Variants in LDLRAD4 observed in about 807,000 individuals in gnomAD.
LDLRAD4 encodes low-density lipoprotein receptor class A domain-containing protein 4.
Under a neutral mutation model 17.0 loss-of-function variants are expected in LDLRAD4, and 5 were observed. The observed-to-expected ratio is 0.29, with a 90% CI of 0.15 to 0.62. The LOEUF is 0.62. LDLRAD4 is among the 20% of genes least tolerant of loss of function. LDLRAD4 has a pLI of 0.84. For synonymous variants in LDLRAD4, 168 were observed against 171.8 expected (o/e 0.98, Z 0.17); for missense variants, 340 against 424.7 (o/e 0.80, Z 1.75).
At chr18:13,315,783 T>TTA (rs1385665652) in intron 1 of LDLRAD4, among the ~76,000 whole-genome samples, 20 of 85,910 alleles carry the variant, frequency 2.3e-4, no homozygotes, top group African/African-American at 8.0e-4. Context: ...AAACTCCGTC[T>TTA]AAAAAAAAAA....
chr18:13,409,112 T>G (rs2088077269), intron 2 of LDLRAD4, among the ~76,000 whole-genome samples: 1 of 152,204 alleles, frequency 6.6e-6, no homozygotes, highest in Non-Finnish European at 1.5e-5. Flanking sequence ...GGGTTCTGCC[T>G]GTTTTCCACA....
chr18:13,301,270 A>G (rs912383470), intron 1 of LDLRAD4, among the ~76,000 whole-genome samples: 1 of 150,678 alleles, frequency 6.6e-6, no homozygotes, highest in African/African-American at 2.4e-5. Flanking sequence ...GCGAACCCAG[A>G]ACACTCTTTC....
intron 2 of LDLRAD4, among the ~76,000 whole-genome samples, chr18:13,434,695 T>C (rs2090546358): frequency 6.6e-6 from 1 of 152,244 alleles, no homozygotes; most frequent in Non-Finnish European, 1.5e-5. Flanking sequence ...AAATAGCCCA[T>C]TGACAGAACA....
intron 1 of LDLRAD4, among the ~76,000 whole-genome samples, chr18:13,283,223 C>T (rs1230207289): frequency 2.0e-5 from 3 of 152,216 alleles, no homozygotes; most frequent in African/African-American, 7.2e-5. Context: ...TAACATTAGG[C>T]TTCTTGCTAT....
At chr18:13,626,745 C>T (rs1450858562) in intron 4 of LDLRAD4, among the ~76,000 whole-genome samples, 1 of 152,256 alleles carries the variant, frequency 6.6e-6, no homozygotes, top group Non-Finnish European at 1.5e-5. Flanking sequence ...GCTCCTCCAG[C>T]TCCCTGGGGT....
chr18:13,529,744 T>A (rs909759616), intron 3 of LDLRAD4, among the ~76,000 whole-genome samples: 7 of 152,348 alleles, frequency 4.6e-5, no homozygotes, highest in Admixed American at 2.0e-4. Flanking sequence ...GACATTTAAA[T>A]AATGTGTGCA....
At chr18:13,446,798 T>C (rs1394495437) in intron 3 of LDLRAD4, among the ~76,000 whole-genome samples, 5 of 152,262 alleles carry the variant, frequency 3.3e-5, no homozygotes, top group Non-Finnish European at 5.9e-5. Flanking sequence ...CAGCCACATG[T>C]GGGCTTTTAG....
chr18:13,241,906 T>G (rs1037298452), intron 1 of LDLRAD4: 2 of 152,242 alleles, frequency 1.3e-5, no homozygotes, highest in African/African-American at 4.8e-5. Flanking sequence ...ATAAATGTCG[T>G]GGGGTTCACG....
In LDLRAD4 at chr18:13,473,676, T is replaced by TAA. The variant is rs151225065; in HGVS notation, c.181+35293_181+35294insAA. The stretch of plus-strand genomic sequence containing the variant: ...ATATATATATATATATATATATATA[T>TAA]ATAACGTTTACATTTTATATATATT... On this transcript the variant is annotated intron_variant, in intron 3 of 5. Transcript: ENST00000359446. Among the ~76,000 whole-genome samples the TAA allele has an allele frequency of 3.0e-4, 32 of 106,478 alleles. 2 individuals are homozygous for TAA. Among genetic ancestry groups the TAA allele is most frequent in the South Asian group, 1.5e-3 (5 of 3,308 alleles). The allele number at this position is 106,478 out of a possible 152,430, so 69.9% of individuals were successfully genotyped here.
At chr18:13,510,218 G>A (rs1013957824) in intron 3 of LDLRAD4, among the ~76,000 whole-genome samples, 8 of 152,146 alleles carry the variant, frequency 5.3e-5, no homozygotes, top group Non-Finnish European at 1.0e-4. Flanking sequence ...TCTGAACTGC[G>A]TAAAGTGGGG....
chr18:13,356,084 G>A (rs1351852287), intron 1 of LDLRAD4, among the ~76,000 whole-genome samples: 3 of 152,248 alleles, frequency 2.0e-5, no homozygotes, highest in African/African-American at 7.2e-5. Context: ...CTCAGCCAGG[G>A]TCGTGCTTCA....
chr18:13,476,638 T>C (rs1600664819), intron 3 of LDLRAD4, among the ~76,000 whole-genome samples: 1 of 126,080 alleles, frequency 7.9e-6, no homozygotes, highest in African/African-American at 2.7e-5. Context: ...AAAAAAAAAA[T>C]CCAGTCATAT....
At chr18:13,534,127 C>A (rs1456217122) in intron 3 of LDLRAD4, among the ~76,000 whole-genome samples, 1 of 152,200 alleles carries the variant, frequency 6.6e-6, no homozygotes, top group East Asian at 1.9e-4. Context: ...TTGTACTTTG[C>A]CACCTTGTTT....
intron 1 of LDLRAD4, among the ~76,000 whole-genome samples, chr18:13,291,575 T>C (rs1465643059): frequency 6.6e-6 from 1 of 152,142 alleles, no homozygotes; most frequent in African/African-American, 2.4e-5. Flanking sequence ...GGCACAGCTC[T>C]TCCTTCGCCC....
chr18:13,576,501 C>T (rs962971549), intron 3 of LDLRAD4, among the ~76,000 whole-genome samples: 1 of 151,904 alleles, frequency 6.6e-6, no homozygotes, highest in African/African-American at 2.4e-5. Flanking sequence ...TAGCTTAAAG[C>T]CATGTAATTC....
At chr18:13,529,522 C>T (rs749951383) in intron 3 of LDLRAD4, among the ~76,000 whole-genome samples, 3 of 152,170 alleles carry the variant, frequency 2.0e-5, no homozygotes, top group Non-Finnish European at 2.9e-5. Flanking sequence ...AGCTGGAATG[C>T]CACAGAGCTC....
intron 3 of LDLRAD4, chr18:13,490,029 G>A (rs973218078): frequency 6.6e-6 from 1 of 152,074 alleles, no homozygotes; most frequent in Non-Finnish European, 1.5e-5. Flanking sequence ...AACGGAGTGT[G>A]TGCTTTTCCT....
chr18:13,436,145 C>G (rs957251050), intron 2 of LDLRAD4, among the ~76,000 whole-genome samples: 2 of 152,110 alleles, frequency 1.3e-5, no homozygotes, highest in Non-Finnish European at 2.9e-5. Flanking sequence ...AAATGTTTGG[C>G]CTTGGAAGGA....
At chr18:13,648,215 C>T (rs2043089650) in exon 6 of LDLRAD4, 1 of 152,196 alleles carries the variant, frequency 6.6e-6, no homozygotes. Context: ...TTGTGAATTC[C>T]TTAGTAACTG....
Sources: allele counts gnomAD v4.1 joint callset (sites outside exome capture counted in the v4.1 genomes callset), GRCh38; gene constraint gnomAD v4.1.1; transcripts MANE v1.5; gene names NCBI Gene and HGNC (gene_info 2026-07-23, HGNC 2026-07-21).